ZSWIM6: variants seen among roughly 807,000 people sequenced by gnomAD.
ZSWIM6 encodes the protein zinc finger SWIM domain-containing protein 6.
In ZSWIM6, 9 loss-of-function variants were observed where a neutral mutation model predicts 113.2. That is an observed-to-expected ratio of 0.08 (90% CI 0.05 to 0.14). ZSWIM6 has a LOEUF of 0.14. Among genes scored for constraint, ZSWIM6 ranks in the 10% least tolerant of loss-of-function variants. The probability of loss-of-function intolerance (pLI) is 1.00; values close to 1 mark genes in which losing one functional copy is unlikely to be tolerated. For synonymous variants in ZSWIM6, 611 were observed against 606.5 expected, an observed-to-expected ratio of 1.01 and a Z score of -0.11; for missense variants, 1,162 against 1,552.2, an observed-to-expected ratio of 0.75 and a Z score of 4.22.
At chr5:61,445,465 A>G (rs1746930951) in intron 1 of ZSWIM6, among the ~76,000 whole-genome samples, 1 of 152,234 alleles carries the variant, frequency 6.6e-6, no homozygotes, top group African/African-American at 2.4e-5. Flanking sequence ...TTTGTTATAA[A>G]GTGTACACCT....
Position 61,539,703 on chromosome 5 carries a change from A to G in ZSWIM6, c.2647A>G (p.Met883Val). ...AQDAFKIATLMDSLPDITLLK... is the reference protein window; with the variant it reads ...AQDAFKIATLVDSLPDITLLK... ...AGATGCATTTAAAATAGCAACTCTC[A>G]TGGACAGTTTGCCAGACATCACTCT... is the stretch of plus-strand genomic sequence containing the variant. Residue 883 changes from methionine (M) to valine (V), a missense_variant, in exon 12 of 14, where the codon ATG (methionine) becomes GTG (valine). This residue lies in a region of ZSWIM6 where 620 missense variants were observed against 804.6 expected (regional missense o/e 0.77). Transcript: ENST00000252744. The G allele has an allele frequency of 6.4e-7, 1 of 1,551,780 alleles. No individual in the cohort carries two copies.
At chr5:61,502,399 A>T (rs1748494658) in intron 4 of ZSWIM6, among the ~76,000 whole-genome samples, 1 of 152,140 alleles carries the variant, frequency 6.6e-6, no homozygotes, top group South Asian at 2.1e-4. Context: ...GGGTGTTCAG[A>T]CACTGCCCTG....
intron 1 of ZSWIM6, among the ~76,000 whole-genome samples, chr5:61,459,850 C>T (rs776843636): frequency 6.6e-6 from 1 of 152,104 alleles, no homozygotes; most frequent in Non-Finnish European, 1.5e-5. Context: ...TCAGGTCCTC[C>T]CGCAAAGGGA....
At position 61,527,481 on chromosome 5, in the gene ZSWIM6, G is replaced by A. The variant is rs147865975; in HGVS notation, c.1837+1085G>A. On this transcript the variant is annotated intron_variant, in intron 7 of 13. Coordinates refer to ENST00000252744, the MANE Select transcript of ZSWIM6 (RefSeq NM_020928.2). ...TTTTAACAGTGAAAAAAAGTCAAAA[G>A]TTACAGTTGAACCAAAGGAAGAGGG... Among the ~76,000 whole-genome samples the A allele has an allele frequency of 6.4e-3, 980 of 152,284 alleles. 8 individuals are homozygous for A. The highest frequency in any genetic ancestry group is 0.02 in the African/African-American group (849 of 41,568).
At position 61,490,989 on chromosome 5, in the gene ZSWIM6, A is replaced by C; in HGVS notation, c.1182+55A>C. 4 of 1,412,464 alleles carry C rather than the reference A, an allele frequency of 2.8e-6. No individual in the cohort carries two copies. In the South Asian group the frequency reaches 5.8e-5, roughly 20 times the overall value. The allele number at this position is 1,412,464 out of a possible 1,614,324, so 87.5% of individuals were successfully genotyped here. On this transcript the variant is annotated intron_variant, in intron 3 of 13. Transcript: ENST00000252744. Reference sequence around the variant, plus strand: ...CTAAATATATACATATATAGGGACTATCTGAATATGATCATGTCTACAATA... The same window carrying C: ...CTAAATATATACATATATAGGGACTCTCTGAATATGATCATGTCTACAATA...
intron 1 of ZSWIM6, among the ~76,000 whole-genome samples, chr5:61,392,361 A>G (rs2112093480): frequency 6.6e-6 from 1 of 152,324 alleles, no homozygotes; most frequent in Admixed American, 6.5e-5. Flanking sequence ...GTTCTGGAAT[A>G]TGTCTTTAAA....
intron 1 of ZSWIM6, among the ~76,000 whole-genome samples, chr5:61,341,873 C>CTTTTT (rs35227918): frequency 1.3e-3 from 122 of 94,622 alleles, no homozygotes; most frequent in African/African-American, 1.6e-3. Flanking sequence ...TCTCTGTAAC[C>CTTTTT]TTTTTTTTTT....
At chr5:61,534,122 G>A (rs1005513073) in intron 9 of ZSWIM6, among the ~76,000 whole-genome samples, 7 of 152,168 alleles carry the variant, frequency 4.6e-5, no homozygotes, top group Non-Finnish European at 8.8e-5. Flanking sequence ...TACATATTTA[G>A]CCTGTAACAG....
Position 61,543,464 on chromosome 5 carries a change from C to T in ZSWIM6, c.2795C>T (p.Ala932Val). ...TTTGTGTTCCTTGCAGGGGTTTATG[C>T]CCTGGACAGCATCATGCAGACCTGG... ...VTCATEVGVY[A>V]LDSIMQTWFT... The change falls in exon 14 of 14, where the codon GCC becomes GTC. Residue 932 changes from alanine to valine, a missense_variant. Ala to Val is a moderately conservative substitution (Grantham distance 64). Transcript: ENST00000252744. This position sits in a 1 kb window ranked among gnomAD's most constrained non-coding sequence, Gnocchi z 4.3. The T allele has an allele frequency of 6.5e-7, 1 of 1,549,848 alleles. No individual in the cohort carries two copies. Among genetic ancestry groups the T allele is most frequent in the Non-Finnish European group, 8.7e-7 (1 of 1,146,456 alleles).
In ZSWIM6 at chr5:61,538,083, C is replaced by G. The variant is rs529891468; in HGVS notation, c.2382-731C>G. Reference sequence around the variant, plus strand: ...GGATTACAGGCACATGCCACCACACCCAACTGATTTATATTTTGTAGAAAC... The same window carrying G: ...GGATTACAGGCACATGCCACCACACGCAACTGATTTATATTTTGTAGAAAC... On this transcript the variant is annotated intron_variant, in intron 10 of 13. Coordinates refer to ENST00000252744, the MANE Select transcript of ZSWIM6 (RefSeq NM_020928.2). 3.3e-5 allele frequency among the ~76,000 whole-genome samples: 5 copies of G among 152,170 alleles called. No homozygotes were observed. The East Asian group carries it at 9.7e-4, about 29-fold the overall frequency.
intron 1 of ZSWIM6, among the ~76,000 whole-genome samples, chr5:61,461,824 T>G (rs1178507255): frequency 1.3e-5 from 2 of 152,108 alleles, no homozygotes; most frequent in Non-Finnish European, 2.9e-5. Context: ...GAAAATAAAA[T>G]ATTACCTGTA....
At chr5:61,401,576 C>T (rs1331786609) in intron 1 of ZSWIM6, among the ~76,000 whole-genome samples, 2 of 151,706 alleles carry the variant, frequency 1.3e-5, no homozygotes, top group Non-Finnish European at 2.9e-5. Flanking sequence ...TGACATTTAC[C>T]TGAAAAATAG....
chr5:61,488,582 A>G (rs1236242244), intron 2 of ZSWIM6, among the ~76,000 whole-genome samples: 4 of 151,816 alleles, frequency 2.6e-5, no homozygotes, highest in Admixed American at 6.6e-5. Flanking sequence ...TAGGTTTTCT[A>G]GTTTTGGGGC....
intron 1 of ZSWIM6, among the ~76,000 whole-genome samples, chr5:61,372,272 T>C (rs1334339481): frequency 6.6e-6 from 1 of 152,032 alleles, no homozygotes; most frequent in African/African-American, 2.4e-5. Flanking sequence ...ACCCCATTCT[T>C]ACCCTCTGCC....
intron 1 of ZSWIM6, among the ~76,000 whole-genome samples, chr5:61,380,676 T>TG (rs1745455202): frequency 6.6e-6 from 1 of 152,080 alleles, no homozygotes; most frequent in African/African-American, 2.4e-5. Flanking sequence ...TACTGGAAAA[T>TG]GTTAACTTGA....
intron 2 of ZSWIM6, among the ~76,000 whole-genome samples, chr5:61,490,059 A>G (rs1433095035): frequency 6.6e-6 from 1 of 151,992 alleles, no homozygotes; most frequent in Non-Finnish European, 1.5e-5. Context: ...ACCTTAAAAT[A>G]CCATTTTATT....
At chr5:61,400,412 A>G (rs920574867) in intron 1 of ZSWIM6, among the ~76,000 whole-genome samples, 8 of 152,178 alleles carry the variant, frequency 5.3e-5, no homozygotes, top group Non-Finnish European at 1.2e-4. Flanking sequence ...ATTCTCAGAA[A>G]AGCATATAAT....
At chr5:61,374,534 T>C (rs1745327975) in intron 1 of ZSWIM6, among the ~76,000 whole-genome samples, 1 of 152,164 alleles carries the variant, frequency 6.6e-6, no homozygotes, top group African/African-American at 2.4e-5. Flanking sequence ...GGAGCAAAAT[T>C]GCCAGCTTTT....
chr5:61,426,606 G>A (rs999680111), intron 1 of ZSWIM6, among the ~76,000 whole-genome samples: 3 of 151,730 alleles, frequency 2.0e-5, no homozygotes, highest in African/African-American at 7.3e-5. Flanking sequence ...TTCTTCATGG[G>A]ATTTTTTTTT....
Sources: gnomAD v4.1 joint callset for allele counts (sites outside exome capture counted in the v4.1 genomes callset) on GRCh38, gnomAD v4.1.1 for gene constraint, gnomAD v4.1.1 regional missense constraint, Gnocchi (gnomAD v3.1) non-coding constraint, MANE v1.5 for transcripts, NCBI Gene and HGNC (gene_info 2026-07-23, HGNC 2026-07-21) for gene names.